Variants in BMAL2 observed in about 807,000 individuals in gnomAD.
BMAL2 encodes basic helix-loop-helix ARNT like 2.
At chr12:27,420,012 T>TGCGCGCGC in the BMAL2 span, among the ~76,000 whole-genome samples, 60 of 64,822 alleles carry the variant, frequency 9.3e-4, 1 homozygote, top group East Asian at 3.7e-3. Flanking sequence ...TTCCAGGGTT[T>TGCGCGCGC]GCGCGTGCAC....
At chr12:27,389,463 T>G in the BMAL2 span, among the ~76,000 whole-genome samples, 1 of 152,198 alleles carries the variant, frequency 6.6e-6, no homozygotes, top group Admixed American at 6.5e-5. Context: ...TATAGAAAAT[T>G]CCTATATTCA....
the BMAL2 span, among the ~76,000 whole-genome samples, chr12:27,362,704 CT>C: frequency 3.3e-5 from 5 of 151,112 alleles, no homozygotes; most frequent in African/African-American, 4.9e-5. Context: ...ATTAGTTTTA[CT>C]TTTTTTTTAG....
the BMAL2 span, among the ~76,000 whole-genome samples, chr12:27,388,364 C>T: frequency 1.3e-5 from 2 of 152,218 alleles, no homozygotes; most frequent in Middle Eastern, 6.8e-3. Flanking sequence ...TAGAATGAAA[C>T]ATATAACCGC....
the BMAL2 span, among the ~76,000 whole-genome samples, chr12:27,394,972 C>G: frequency 1.3e-5 from 2 of 152,270 alleles, no homozygotes; most frequent in Non-Finnish European, 2.9e-5. Context: ...ACACCTCCAT[C>G]TCTAGGCTTC....
At chr12:27,382,636 A>C in the BMAL2 span, among the ~76,000 whole-genome samples, 12 of 152,188 alleles carry the variant, frequency 7.9e-5, no homozygotes, top group Non-Finnish European at 1.8e-4. Context: ...CACAAGCAAG[A>C]TGATTTAAGG....
the BMAL2 span, among the ~76,000 whole-genome samples, chr12:27,362,037 AT>A: frequency 5.9e-5 from 9 of 151,896 alleles, 1 homozygote; most frequent in African/African-American, 2.2e-4. Context: ...AAAAAAAAAA[AT>A]CTTCGTTTTA....
the BMAL2 span, among the ~76,000 whole-genome samples, chr12:27,373,782 C>A: frequency 6.6e-6 from 1 of 152,148 alleles, no homozygotes; most frequent in Non-Finnish European, 1.5e-5. Context: ...ATTCAAAATG[C>A]AGTGAAAATA....
the BMAL2 span, chr12:27,401,356 C>T: frequency 6.2e-7 from 1 of 1,613,264 alleles, no homozygotes; most frequent in Non-Finnish European, 8.5e-7. Context: ...CTGACAAGCA[C>T]AAAGCAGGTA....
At chr12:27,390,393 A>T in the BMAL2 span, 123 of 777,148 alleles carry the variant, frequency 1.6e-4, no homozygotes, top group East Asian at 2.3e-3. Flanking sequence ...AAAATTACTT[A>T]CATTTGTTCA....
the BMAL2 span, among the ~76,000 whole-genome samples, chr12:27,365,074 A>G: frequency 5.9e-5 from 9 of 152,082 alleles, no homozygotes; most frequent in African/African-American, 2.2e-4. Flanking sequence ...TTTCCCAATA[A>G]GAGCAAAACA....
At chr12:27,352,777 T>C in the BMAL2 span, among the ~76,000 whole-genome samples, 6 of 152,150 alleles carry the variant, frequency 3.9e-5, no homozygotes, top group Non-Finnish European at 7.4e-5. Context: ...CAAAAGTCAG[T>C]AGCATTTTCA....
chr12:27,355,678 T>C, the BMAL2 span, among the ~76,000 whole-genome samples: 2 of 152,228 alleles, frequency 1.3e-5, no homozygotes, highest in South Asian at 2.1e-4. Context: ...CCAGCTGTTA[T>C]GTGATCATGG....
chr12:27,350,586 G>T, the BMAL2 span, among the ~76,000 whole-genome samples: 1 of 152,342 alleles, frequency 6.6e-6, no homozygotes, highest in East Asian at 1.9e-4. Context: ...AACAAGAAGG[G>T]CTGTGTACAT....
the BMAL2 span, among the ~76,000 whole-genome samples, chr12:27,419,183 T>G: frequency 6.6e-6 from 1 of 152,218 alleles, no homozygotes; most frequent in Non-Finnish European, 1.5e-5. Context: ...ATTTTAACAA[T>G]GTTTATGCAA....
At chr12:27,406,824 C>G in the BMAL2 span, among the ~76,000 whole-genome samples, 1 of 152,156 alleles carries the variant, frequency 6.6e-6, no homozygotes, top group Non-Finnish European at 1.5e-5. Flanking sequence ...CAAGACCCAT[C>G]AGTGTGCTGT....
chr12:27,403,508 C>T, the BMAL2 span: 1 of 1,606,628 alleles, frequency 6.2e-7, no homozygotes, highest in African/African-American at 1.3e-5. Flanking sequence ...AGTATTGGAA[C>T]AGATATTGCA....
At chr12:27,397,251 T>C in the BMAL2 span, among the ~76,000 whole-genome samples, 10,797 of 152,192 alleles carry the variant, frequency 0.071, 444 homozygotes, top group East Asian at 0.12. Flanking sequence ...TTTGTATTTT[T>C]AGTAGAGATG....
At chr12:27,368,487 C>A in the BMAL2 span, 2 of 1,512,070 alleles carry the variant, frequency 1.3e-6, no homozygotes, top group Non-Finnish European at 1.8e-6. Flanking sequence ...CTTTTAAAAT[C>A]ATTAATTATT....
At chr12:27,345,755 G>A in the BMAL2 span, among the ~76,000 whole-genome samples, 13 of 152,176 alleles carry the variant, frequency 8.5e-5, no homozygotes, top group African/African-American at 2.6e-4. Flanking sequence ...TGCCCATCTG[G>A]GCTTTCCAAA....
Sources: gnomAD v4.1 joint callset for allele counts (sites outside exome capture counted in the v4.1 genomes callset) on GRCh38, gnomAD v4.1.1 for gene constraint, MANE v1.5 for transcripts, NCBI Gene and HGNC (gene_info 2026-07-23, HGNC 2026-07-21) for gene names.